MAP3K1: variants seen among roughly 807,000 people sequenced by gnomAD.
MAP3K1 encodes mitogen-activated protein kinase kinase kinase 1, also known as MAP/ERK kinase kinase 1.
In MAP3K1, 36 loss-of-function variants were observed where a neutral mutation model predicts 144.2. The observed-to-expected ratio is 0.25, with a 90% CI of 0.19 to 0.33. MAP3K1 has a LOEUF of 0.33. Among genes scored for constraint, MAP3K1 ranks in the 10% least tolerant of loss-of-function variants. MAP3K1 has a pLI of 1.00. For missense variants in MAP3K1, 1,650 were observed against 1,881.9 expected (o/e 0.88, Z 2.28); for synonymous variants, 718 against 688.7 (o/e 1.04, Z -0.67).
chr5:56,821,362 A>G (rs575206922), intron 1 of MAP3K1, among the ~76,000 whole-genome samples: 2 of 152,206 alleles, frequency 1.3e-5, no homozygotes, highest in Non-Finnish European at 2.9e-5. Context: ...TCACCTGGGA[A>G]TTACTAAGCC....
intron 1 of MAP3K1, among the ~76,000 whole-genome samples, chr5:56,828,874 G>A (rs1053151115): frequency 1.3e-5 from 1 of 77,578 alleles, no homozygotes; most frequent in East Asian, 2.7e-4. Flanking sequence ...AAATAAACAT[G>A]TATGCATCTT....
chr5:56,881,103 G>A lies in MAP3K1; in HGVS notation c.2200G>A (p.Val734Ile), dbSNP rs1277267068. The part of the protein sequence containing the change: ...LKAGSIGIGG[V>I]DYVLNCILGN... Reference sequence around the variant, plus strand: ...TGTAGGATCCATTGGTATTGGTGGTGTTGATTATGTCTTAAATTGTATTCT... The same window carrying A: ...TGTAGGATCCATTGGTATTGGTGGTATTGATTATGTCTTAAATTGTATTCT... The change falls in exon 13 of 20, where the codon GTT becomes ATT. Residue 734 changes from valine to isoleucine, a missense_variant. Around this residue, in one of 6 missense-constraint regions of MAP3K1, gnomAD observed 841 missense variants for 886.5 expected, o/e 0.95. Coordinates refer to ENST00000399503, the MANE Select transcript of MAP3K1 (RefSeq NM_005921.2). 3 of 1,613,106 alleles carry A rather than the reference G, an allele frequency of 1.9e-6. No homozygotes were observed. Among genetic ancestry groups the A allele is most frequent in the Non-Finnish European group, 2.5e-6 (3 of 1,179,422 alleles).
At position 56,816,395 on chromosome 5, in the gene MAP3K1, C is replaced by A. The variant is rs1289394766; in HGVS notation, c.482+340C>A. On this transcript the variant is annotated intron_variant, in intron 1 of 19. Transcript: ENST00000399503. ...TGGAATCGGGGCTCTCCGAGGAGCC[C>A]GGGGGCGGGGCACGGCCCTGCGGCG... Among the ~76,000 whole-genome samples the A allele has an allele frequency of 5.3e-5, 8 of 152,030 alleles. No individual in the cohort carries two copies. The South Asian group carries it at 1.7e-3, about 32-fold the overall frequency.
chr5:56,878,798 C>T (rs1579774995), intron 10 of MAP3K1, among the ~76,000 whole-genome samples, 182 bp from the exon 11 acceptor site: 1 of 152,048 alleles, frequency 6.6e-6, no homozygotes, highest in South Asian at 2.1e-4. Context: ...TTCCTTCCTG[C>T]CCCATTCATT....
chr5:56,892,277 A>G (rs1281744925), intron 19 of MAP3K1, among the ~76,000 whole-genome samples: 1 of 152,042 alleles, frequency 6.6e-6, no homozygotes, highest in Non-Finnish European at 1.5e-5. Flanking sequence ...TAGGTATTTT[A>G]TTCTCTTTGA....
chr5:56,872,741 T>C lies in MAP3K1; in HGVS notation c.1505+19T>C, dbSNP rs1277155890. ...TCTACAGGTAATAATTTTGAAATGATACGGATATGTTTAATTTTTAAAAAT... is the reference window on the plus strand; with the variant it reads ...TCTACAGGTAATAATTTTGAAATGACACGGATATGTTTAATTTTTAAAAAT... On this transcript the variant is annotated intron_variant, in intron 8 of 19. Transcript: ENST00000399503. The C allele has an allele frequency of 6.3e-7, 1 of 1,592,878 alleles. No individual in the cohort carries two copies.
intron 10 of MAP3K1, among the ~76,000 whole-genome samples, chr5:56,876,447 G>A (rs116469986): frequency 0.01 from 1,523 of 152,196 alleles, 33 homozygotes; most frequent in African/African-American, 0.035. Flanking sequence ...ATCCTCTACC[G>A]ATTGGGCCTA....
chr5:56,826,504 G>A (rs1235041068), intron 1 of MAP3K1, among the ~76,000 whole-genome samples: 1 of 152,148 alleles, frequency 6.6e-6, no homozygotes, highest in African/African-American at 2.4e-5. Context: ...AAAAAATGTT[G>A]CTGCCAACCT....
At chr5:56,857,218 T>C (rs1288971716) in intron 2 of MAP3K1, among the ~76,000 whole-genome samples, 4 of 152,158 alleles carry the variant, frequency 2.6e-5, no homozygotes, top group African/African-American at 9.7e-5. Context: ...TCTCCAACTT[T>C]GTTACAGTGT....
Position 56,894,848 on chromosome 5 carries a change from A to G in MAP3K1, c.*1168A>G, listed in dbSNP as rs1180692492. ...TGCTTTGAACTTGGAAAATGTGTTCAGAAAGAAAAATGGAATTGAATTTCA... is the reference window on the plus strand; with the variant it reads ...TGCTTTGAACTTGGAAAATGTGTTCGGAAAGAAAAATGGAATTGAATTTCA... On this transcript the variant is annotated 3_prime_UTR_variant, in exon 20 of 20. Coordinates refer to ENST00000399503, the MANE Select transcript of MAP3K1 (RefSeq NM_005921.2). 1 of 232,004 alleles carries G rather than the reference A, an allele frequency of 4.3e-6. No individual in the cohort carries two copies. Among genetic ancestry groups the G allele is most frequent in the Non-Finnish European group, 8.5e-6 (1 of 117,358 alleles). 14.4% of individuals were successfully genotyped at this position (232,004 alleles called of 1,614,324 possible).
intron 9 of MAP3K1, 88 bp from the exon 10 acceptor site, chr5:56,874,944 G>T: frequency 7.5e-7 from 1 of 1,325,436 alleles, no homozygotes; most frequent in Non-Finnish European, 1.1e-6. Context: ...CAGTTTTTAC[G>T]TAGTAATCAA....
At chr5:56,856,215 C>T (rs1377788727) in intron 1 of MAP3K1, among the ~76,000 whole-genome samples, 9 of 152,178 alleles carry the variant, frequency 5.9e-5, no homozygotes, top group African/African-American at 1.2e-4. Flanking sequence ...GATAAATCAG[C>T]ATATCCACCA....
chr5:56,831,184 G>T (rs950663919), intron 1 of MAP3K1, among the ~76,000 whole-genome samples: 16 of 136,336 alleles, frequency 1.2e-4, no homozygotes, highest in African/African-American at 3.0e-4. Flanking sequence ...AAAATGTTGG[G>T]TTTTTTTTTT....
chr5:56,881,746 T>C lies in MAP3K1; in HGVS notation c.2546T>C (p.Phe849Ser). The change falls in exon 14 of 20, where the codon TTC (phenylalanine) becomes TCC (serine). Residue 849 changes from phenylalanine to serine, a missense_variant. Phe to Ser is a radical substitution (Grantham distance 155). Around this residue, in one of 6 missense-constraint regions of MAP3K1, gnomAD observed 841 missense variants for 886.5 expected, o/e 0.95. Coordinates refer to ENST00000399503, the MANE Select transcript of MAP3K1 (RefSeq NM_005921.2). ...CTGAGTGTTTCCAGTTCCACTCACT[T>C]CACCAGGATGCGTCGCCGTTTGATG... Reference protein sequence around the residue: ...EMLSVSSSTHFTRMRRRLMAI... With the variant: ...EMLSVSSSTHSTRMRRRLMAI... 6.2e-7 allele frequency: 1 copy of C among 1,614,158 alleles called. No homozygotes were observed. The highest frequency in any genetic ancestry group is 1.1e-5 in the South Asian group (1 of 91,078).
At chr5:56,859,001 C>T (rs1408908747) in intron 2 of MAP3K1, among the ~76,000 whole-genome samples, 1 of 146,284 alleles carries the variant, frequency 6.8e-6, no homozygotes, top group African/African-American at 2.5e-5. Flanking sequence ...TGCTGAGCTT[C>T]AGTTGTACAA....
intron 10 of MAP3K1, 50 bp downstream of exon 10, chr5:56,875,360 G>A: frequency 6.3e-7 from 1 of 1,593,620 alleles, no homozygotes; most frequent in African/African-American, 1.3e-5. Flanking sequence ...GGGGTTTTTT[G>A]ATGGTTCGTA....
intron 1 of MAP3K1, among the ~76,000 whole-genome samples, chr5:56,819,279 C>A (rs568974990): frequency 6.6e-6 from 1 of 152,082 alleles, no homozygotes; most frequent in African/African-American, 2.4e-5. Context: ...TTGTTAGATA[C>A]GAAAAACAGG....
In MAP3K1 at chr5:56,882,877, A is replaced by AT; in HGVS notation, c.3666+13dup. 6.3e-7 allele frequency: 1 copy of AT among 1,599,980 alleles called. No homozygotes were observed. Among genetic ancestry groups the AT allele is most frequent in the Middle Eastern group, 1.7e-4 (1 of 6,042 alleles). ...ATTATTCAACAGGATGTAAGTATAGATTCTTTAAGAGGTTAGAAAACTTCC... is the reference window on the plus strand; with the variant it reads ...ATTATTCAACAGGATGTAAGTATAGATTTCTTTAAGAGGTTAGAAAACTTCC... On this transcript the variant is annotated intron_variant, in intron 14 of 19. Transcript: ENST00000399503.
intron 18 of MAP3K1, 67 bp downstream of exon 18, chr5:56,887,587 A>G: frequency 6.4e-7 from 1 of 1,552,768 alleles, no homozygotes; most frequent in South Asian, 1.1e-5. Context: ...CATTATACTA[A>G]ATTATCTTGC....
Sources: gnomAD v4.1 joint callset for allele counts (sites outside exome capture counted in the v4.1 genomes callset) on GRCh38, gnomAD v4.1.1 for gene constraint, gnomAD v4.1.1 regional missense constraint, MANE v1.5 for transcripts, NCBI Gene and HGNC (gene_info 2026-07-23, HGNC 2026-07-21) for gene names.